Variants in SRL observed in about 807,000 individuals in gnomAD.
The protein encoded by SRL is sarcalumenin.
SRL carries 23 observed loss-of-function variants against 39.5 expected under a neutral mutation model. The ratio of observed to expected loss-of-function variants is 0.58; its 90% CI spans 0.42 to 0.82. SRL has a LOEUF of 0.82. Among genes scored for constraint, SRL ranks in the 40% least tolerant of loss-of-function variants. SRL has a pLI of 0.00. For synonymous variants in SRL, 272 were observed against 237.4 expected, an observed-to-expected ratio of 1.15 and a Z score of -1.34; for missense variants, 592 against 607.8, an observed-to-expected ratio of 0.97 and a Z score of 0.27.
chr16:4,193,040 C>A (rs949814848), intron 5 of SRL, 76 bp from the exon 6 acceptor site: 7 of 1,304,396 alleles, frequency 5.4e-6, no homozygotes, highest in South Asian at 1.4e-5. Context: ...CAGAACTAAA[C>A]CATTCTGGGG....
At chr16:4,193,238 A>G (rs1025989977) in intron 5 of SRL, among the ~76,000 whole-genome samples, 1 of 152,122 alleles carries the variant, frequency 6.6e-6, no homozygotes, top group Non-Finnish European at 1.5e-5. Flanking sequence ...GCATGATTAT[A>G]GCTCACTGCA....
At chr16:4,197,065 T>C (rs866937652) in intron 4 of SRL, among the ~76,000 whole-genome samples, 212 of 70,608 alleles carry the variant, frequency 3.0e-3, no homozygotes, top group Middle Eastern at 0.016. Context: ...ATTTTCTTTT[T>C]TTTTTTTTTT....
intron 2 of SRL, among the ~76,000 whole-genome samples, chr16:4,204,168 A>G (rs925332541): frequency 3.9e-5 from 6 of 152,232 alleles, no homozygotes; most frequent in Non-Finnish European, 7.4e-5. Context: ...CAAAGATAAA[A>G]TGAAACAGCA....
At chr16:4,232,025 C>G (rs529725465) in intron 1 of SRL, among the ~76,000 whole-genome samples, 21 of 152,182 alleles carry the variant, frequency 1.4e-4, no homozygotes, top group African/African-American at 5.1e-4. Context: ...TGTGACAAAA[C>G]CAGCATTTGC....
At chr16:4,195,808 T>C in intron 4 of SRL, 22 bp from the exon 5 acceptor site, 1 of 1,589,836 alleles carries the variant, frequency 6.3e-7, no homozygotes, top group Non-Finnish European at 8.6e-7. Flanking sequence ...GGGTGAGAGG[T>C]GAAGGAATAC....
At chr16:4,225,566 AGAGT>A (rs1357622504) in intron 1 of SRL, among the ~76,000 whole-genome samples, 2 of 152,204 alleles carry the variant, frequency 1.3e-5, no homozygotes, top group East Asian at 3.8e-4. Flanking sequence ...CCGGGGTGAC[AGAGT>A]GAGACCCTGT....
chr16:4,207,542 C>G (rs1426188011), intron 1 of SRL: 1 of 456,044 alleles, frequency 2.2e-6, no homozygotes, highest in Non-Finnish European at 4.4e-6. Flanking sequence ...GAGAGGCCCC[C>G]TCTGCCTTTG....
intron 1 of SRL, among the ~76,000 whole-genome samples, chr16:4,225,325 G>A (rs908337955): frequency 2.0e-5 from 3 of 152,158 alleles, no homozygotes; most frequent in African/African-American, 4.8e-5. Context: ...GCTCACCCCT[G>A]TAATCCCAGC....
Position 4,191,952 on chromosome 16 carries a change from C to T in SRL, c.*201G>A. 1.8e-6 allele frequency: 1 copy of T among 542,302 alleles called. No individual in the cohort carries two copies. Among genetic ancestry groups the T allele is most frequent in the Non-Finnish European group, 3.1e-6 (1 of 317,810 alleles). The allele number at this position is 542,302 out of a possible 1,614,324, so 33.6% of individuals were successfully genotyped here. On this transcript the variant is annotated 3_prime_UTR_variant, in exon 6 of 6. Transcript: ENST00000399609. ...AGGCCTCCTCATTGAAGCAACAAGA[C>T]AAGCACACAGGAATTCACAGTTTCC... is the stretch of plus-strand genomic sequence containing the variant.
chr16:4,213,039 C>G (rs553262564), intron 1 of SRL, among the ~76,000 whole-genome samples: 29 of 152,292 alleles, frequency 1.9e-4, no homozygotes, highest in African/African-American at 7.0e-4. Flanking sequence ...GAGACTTGCC[C>G]AAGATTGGGG....
In SRL at chr16:4,203,088, C is replaced by T. The variant is rs74003214; in HGVS notation, c.259+78G>A. ...GTGTGGGTACCGGGAGAGTCCAGGCCGGTCAGCAGTGTGGCCCCGCCGACA... is the reference window on the plus strand; with the variant it reads ...GTGTGGGTACCGGGAGAGTCCAGGCTGGTCAGCAGTGTGGCCCCGCCGACA... On this transcript the variant is annotated intron_variant, in intron 3 of 5. Transcript: ENST00000399609. The T allele has an allele frequency of 0.011, 13,825 of 1,261,468 alleles. 1,087 individuals are homozygous for T. In the African/African-American group the frequency reaches 0.17, roughly 16 times the overall value. 78.1% of individuals were successfully genotyped at this position (1,261,468 alleles called of 1,614,324 possible).
At chr16:4,220,314 A>G (rs57870167) in intron 1 of SRL, among the ~76,000 whole-genome samples, 24,734 of 98,760 alleles carry the variant, frequency 0.25, 4,147 homozygotes, top group African/African-American at 0.49. Flanking sequence ...CACACAAATA[A>G]CCGGGTGTGG....
chr16:4,211,086 T>A (rs1029378206), intron 1 of SRL, among the ~76,000 whole-genome samples: 1 of 152,140 alleles, frequency 6.6e-6, no homozygotes, highest in African/African-American at 2.4e-5. Context: ...TGAAATCACC[T>A]GCTTCTTGGT....
intron 5 of SRL, among the ~76,000 whole-genome samples, chr16:4,194,065 C>T (rs1223638481): frequency 2.0e-5 from 3 of 152,158 alleles, no homozygotes; most frequent in Non-Finnish European, 1.5e-5. Context: ...CTGAGATCCA[C>T]CGTCTGCTCA....
intron 3 of SRL, 116 bp downstream of exon 3, chr16:4,203,050 A>G: frequency 1.1e-6 from 1 of 887,394 alleles, no homozygotes; most frequent in South Asian, 1.5e-5. Context: ...ATCATGAATG[A>G]GCTCCTGAAC....
At chr16:4,211,867 G>A (rs1265462394) in intron 1 of SRL, among the ~76,000 whole-genome samples, 1 of 152,184 alleles carries the variant, frequency 6.6e-6, no homozygotes, top group Non-Finnish European at 1.5e-5. Context: ...TGACGACGAT[G>A]GTGATGATGG....
At chr16:4,199,257 C>G (rs186558666) in intron 3 of SRL, among the ~76,000 whole-genome samples, 1 of 152,098 alleles carries the variant, frequency 6.6e-6, no homozygotes, top group African/African-American at 2.4e-5. Context: ...CAGTCTGCCT[C>G]AGCCCTGACA....
chr16:4,207,006 GCTTCCTGGGGATCCCCGC>G (rs1271653348), intron 1 of SRL: 1 of 453,344 alleles, frequency 2.2e-6, no homozygotes, highest in African/African-American at 2.0e-5. Flanking sequence ...GGGCTCCTCG[GCTTCCTGGGGATCCCCGC>G]CTTCCTGGGA....
At chr16:4,229,406 C>A (rs188935053) in intron 1 of SRL, among the ~76,000 whole-genome samples, 1 of 151,592 alleles carries the variant, frequency 6.6e-6, no homozygotes, top group African/African-American at 2.4e-5. Context: ...GCCAAGATCA[C>A]GCCACTGCAC....
Sources: gnomAD v4.1 joint callset for allele counts (sites outside exome capture counted in the v4.1 genomes callset) on GRCh38, gnomAD v4.1.1 for gene constraint, MANE v1.5 for transcripts, NCBI Gene and HGNC (gene_info 2026-07-23, HGNC 2026-07-21) for gene names.